The following DELE1 variants were observed in gnomAD, a reference collection of about 807,000 sequenced individuals.
The protein encoded by DELE1 is DAP3 binding cell death enhancer 1, also known as death ligand signal enhancer.
In DELE1, 54 loss-of-function variants were observed where a neutral mutation model predicts 59.3. The ratio of observed to expected loss-of-function variants is 0.91; its 90% CI spans 0.73 to 1.14. The LOEUF is 1.14. Ranked by LOEUF, DELE1 falls within the 50% of genes most tolerant of loss-of-function variation. DELE1 has a pLI of 0.00. For missense variants in DELE1, 636 were observed against 643.9 expected, an observed-to-expected ratio of 0.99 and a Z score of 0.13; for synonymous variants, 264 against 259.1, an observed-to-expected ratio of 1.02 and a Z score of -0.18.
In DELE1 at chr5:141,933,281, C is replaced by G; in HGVS notation, c.777C>G (p.Gly259=). 1 of 1,556,578 alleles carries G rather than the reference C, an allele frequency of 6.4e-7. No individual in the cohort carries two copies. Among genetic ancestry groups the G allele is most frequent in the Non-Finnish European group, 8.8e-7 (1 of 1,139,130 alleles). Residue 259 remains glycine, a synonymous_variant, in exon 8 of 12, where the codon GGC becomes GGG. Transcript: ENST00000432126. ...CAGGAACAGAGAACATGAAGAGTGG[C>G]GACCACACGGCAGCCTTTTCTTACT... ...NFLGTENMKS[G]DHTAAFSYFQ... is the part of the protein sequence containing the mutation.
rs1752611408 is a variant in DELE1 at position 141,939,462 on chromosome 5, C to T, written c.*703C>T. 1.0e-6 allele frequency: 1 copy of T among 985,696 alleles called. No homozygotes were observed. The highest frequency in any genetic ancestry group is 4.7e-5 in the South Asian group (1 of 21,282). 61.1% of individuals were successfully genotyped at this position (985,696 alleles called of 1,614,324 possible). On this transcript the variant is annotated 3_prime_UTR_variant, in exon 12 of 12. Transcript: ENST00000432126. ...GCCCACCATTCACCTCTGTTCATCC[C>T]CCGTGGGCTCATAATCGTTTTCATT...
Position 141,928,133 on chromosome 5 carries a change from A to C in DELE1, c.265-18A>C, listed in dbSNP as rs778575395. 2.5e-6 allele frequency: 4 copies of C among 1,610,276 alleles called. No individual in the cohort carries two copies. Among genetic ancestry groups the C allele is most frequent in the Non-Finnish European group, 1.7e-6 (2 of 1,177,946 alleles). On this transcript the variant is annotated intron_variant, in intron 3 of 11. Transcript: ENST00000432126. ...TGATTGGTGAAGGACCGTGTCCTTA[A>C]CGTGCTGTCTTTCCCAGGGCACTCT...
intron 7 of DELE1, among the ~76,000 whole-genome samples, chr5:141,930,770 T>C (rs1470178776): frequency 6.6e-6 from 1 of 152,192 alleles, no homozygotes. Flanking sequence ...TTAACCCTCA[T>C]GTGGGGACTC....
At chr5:141,931,530 G>T (rs1255320920) in intron 7 of DELE1, among the ~76,000 whole-genome samples, 1 of 152,144 alleles carries the variant, frequency 6.6e-6, no homozygotes, top group Admixed American at 6.6e-5. Flanking sequence ...GATTGCCGGG[G>T]GGAAAAAGGA....
At position 141,923,876 on chromosome 5, in the gene DELE1, T is replaced by C. The variant is rs1751132400; in HGVS notation, c.-66T>C. Reference sequence around the variant, plus strand: ...ACTCGGGGCATCGCGGCGGCCTTTCTAGCCGCTGTCCCAAGGGTTGGTCTC... The same window carrying C: ...ACTCGGGGCATCGCGGCGGCCTTTCCAGCCGCTGTCCCAAGGGTTGGTCTC... On this transcript the variant is annotated 5_prime_UTR_variant, in exon 1 of 12. Transcript: ENST00000432126. 2.6e-6 allele frequency: 4 copies of C among 1,557,642 alleles called. No individual in the cohort carries two copies. Among genetic ancestry groups the C allele is most frequent in the Admixed American group, 1.9e-5 (1 of 51,740 alleles).
rs1752642602 is a variant in DELE1 at position 141,939,997 on chromosome 5, G to T, written c.*1238G>T. On this transcript the variant is annotated 3_prime_UTR_variant, in exon 12 of 12. Transcript: ENST00000432126. Reference sequence around the variant, plus strand: ...CCATCAGTTCATACTGCAATTTTATGTGAAAGCATTATGACTGTCCTACCC... The same window carrying T: ...CCATCAGTTCATACTGCAATTTTATTTGAAAGCATTATGACTGTCCTACCC... 1 of 985,074 alleles carries T rather than the reference G, an allele frequency of 1.0e-6. No homozygotes were observed. The highest frequency in any genetic ancestry group is 1.7e-5 in the African/African-American group (1 of 57,242). The allele number at this position is 985,074 out of a possible 1,614,324, so 61.0% of individuals were successfully genotyped here. A position where few individuals can be genotyped will look rare whatever the true frequency, so the allele number is the denominator to read the frequency against.
rs1253107894 is a variant in DELE1, at chr5:141,941,894, T to G, written c.*3135T>G. ...CACATAGTAGGTACTTTAAGTAATT[T>G]GAATGAATAATTTTAAATAACTTGA... On this transcript the variant is annotated 3_prime_UTR_variant, in exon 12 of 12. Coordinates refer to ENST00000432126, the MANE Select transcript of DELE1 (RefSeq NM_014773.5). 3.0e-6 allele frequency: 3 copies of G among 985,246 alleles called. No homozygotes were observed. The highest frequency in any genetic ancestry group is 6.2e-5 in the Admixed American group (1 of 16,256). 61.0% of individuals were successfully genotyped at this position (985,246 alleles called of 1,614,324 possible). A position where few individuals can be genotyped will look rare whatever the true frequency, so the allele number is the denominator to read the frequency against.
rs1286638640 is a variant in DELE1, at chr5:141,939,450, C to T, written c.*691C>T. 1.0e-6 allele frequency: 1 copy of T among 985,858 alleles called. No individual in the cohort carries two copies. The allele number at this position is 985,858 out of a possible 1,614,324, so 61.1% of individuals were successfully genotyped here. A position where few individuals can be genotyped will look rare whatever the true frequency, so the allele number is the denominator to read the frequency against. On this transcript the variant is annotated 3_prime_UTR_variant, in exon 12 of 12. Transcript: ENST00000432126. ...TCCTCGAGACTAGCCCACCATTCACCTCTGTTCATCCCCCGTGGGCTCATA... is the reference window on the plus strand; with the variant it reads ...TCCTCGAGACTAGCCCACCATTCACTTCTGTTCATCCCCCGTGGGCTCATA...
At chr5:141,935,759 C>T (rs1752298913) in intron 10 of DELE1, among the ~76,000 whole-genome samples, 1 of 152,200 alleles carries the variant, frequency 6.6e-6, no homozygotes, top group Admixed American at 6.5e-5. Context: ...TTAATCAGAC[C>T]AGCGTGCTAG....
Position 141,934,478 on chromosome 5 carries a change from TC to T in DELE1, c.1057-14del. 1.2e-6 allele frequency: 2 copies of T among 1,614,178 alleles called. No individual in the cohort carries two copies. The highest frequency in any genetic ancestry group is 1.7e-6 in the Non-Finnish European group (2 of 1,180,010). On this transcript the variant is annotated splice_polypyrimidine_tract_variant and intron_variant, in intron 9 of 11. Transcript: ENST00000432126. ...AGTGACCAAGATGCCTTCTTTTCCTTCCTCCTTGACCACAGGCCCAAGCTTT... is the reference window on the plus strand; with the variant it reads ...AGTGACCAAGATGCCTTCTTTTCCTTCTCCTTGACCACAGGCCCAAGCTTT...
At chr5:141,934,188 A>T (rs1162387708) in intron 8 of DELE1, 52 bp from the exon 9 acceptor site, 1 of 1,518,996 alleles carries the variant, frequency 6.6e-7, no homozygotes, top group Non-Finnish European at 8.9e-7. Context: ...ACTGAGTGCA[A>T]AAGATGCTTA....
chr5:141,936,897 G>C, intron 10 of DELE1: 2 of 985,404 alleles, frequency 2.0e-6, no homozygotes, highest in Non-Finnish European at 2.4e-6. Flanking sequence ...TAACTGGCCT[G>C]AGTGTTTCCT....
At chr5:141,933,437 G>A in intron 8 of DELE1, 36 bp downstream of exon 8, 1 of 1,391,910 alleles carries the variant, frequency 7.2e-7, no homozygotes, top group Non-Finnish European at 9.5e-7. Context: ...TTCTGTGCTG[G>A]GCTGCTGAGA....
At position 141,940,944 on chromosome 5, in the gene DELE1, A is replaced by C; in HGVS notation, c.*2185A>C. ...GACGTCCCCTTTTTATAGATTCACA[A>C]TACACATCAGCATATTTGAGGTTCC... is the stretch of plus-strand genomic sequence containing the variant. On this transcript the variant is annotated 3_prime_UTR_variant, in exon 12 of 12. Coordinates refer to ENST00000432126, the MANE Select transcript of DELE1 (RefSeq NM_014773.5). 2.1e-6 allele frequency: 2 copies of C among 970,734 alleles called. No homozygotes were observed. Among genetic ancestry groups the C allele is most frequent in the Non-Finnish European group, 2.4e-6 (2 of 816,604 alleles). 60.1% of individuals were successfully genotyped at this position (970,734 alleles called of 1,614,324 possible).
chr5:141,937,893 C>G (rs1245968170), intron 11 of DELE1, among the ~76,000 whole-genome samples: 1 of 150,106 alleles, frequency 6.7e-6, no homozygotes, highest in African/African-American at 2.4e-5. Context: ...AGCGCGATCT[C>G]GGCTCACTGC....
intron 3 of DELE1, among the ~76,000 whole-genome samples, chr5:141,926,303 G>C (rs1259225140): frequency 6.6e-6 from 1 of 152,124 alleles, no homozygotes; most frequent in Non-Finnish European, 1.5e-5. Flanking sequence ...TGAAATATTA[G>C]GTAACATGCG....
chr5:141,939,815 T>C lies in DELE1; in HGVS notation c.*1056T>C. On this transcript the variant is annotated 3_prime_UTR_variant, in exon 12 of 12. Coordinates refer to ENST00000432126, the MANE Select transcript of DELE1 (RefSeq NM_014773.5). ...CCAAAGGCAATGGTGTCTGCCCTCC[T>C]ACCTTAGAAGACAAATGCAAGGGCA... The C allele has an allele frequency of 3.1e-6, 2 of 644,832 alleles. No homozygotes were observed. Among genetic ancestry groups the C allele is most frequent in the Non-Finnish European group, 1.9e-6 (1 of 518,976 alleles). The allele number at this position is 644,832 out of a possible 1,614,324, so 39.9% of individuals were successfully genotyped here. A position where few individuals can be genotyped will look rare whatever the true frequency, so the allele number is the denominator to read the frequency against.
rs1452157698 is a variant in DELE1, at chr5:141,934,308, C to T, written c.966C>T (p.Cys322=). The part of the protein sequence containing the change: ...HSLAQYRYAR[C]LLRDPASSWN... ...TGGCTCAGTACCGCTATGCCAGGTG[C>T]CTACTACGAGACCCAGCCTCTTCGT... is the stretch of plus-strand genomic sequence containing the variant. Residue 322 remains cysteine (C), a synonymous_variant, in exon 9 of 12, where the codon TGC becomes TGT. Transcript: ENST00000432126. 6.2e-7 allele frequency: 1 copy of T among 1,614,134 alleles called. No homozygotes were observed. The highest frequency in any genetic ancestry group is 2.2e-5 in the East Asian group (1 of 44,876).
In DELE1 at chr5:141,928,310, G is replaced by C; in HGVS notation, c.412+12G>C. 2.5e-6 allele frequency: 4 copies of C among 1,613,044 alleles called. No individual in the cohort carries two copies. The highest frequency in any genetic ancestry group is 3.4e-6 in the Non-Finnish European group (4 of 1,179,400). On this transcript the variant is annotated intron_variant, in intron 4 of 11. Transcript: ENST00000432126. Reference sequence around the variant, plus strand: ...GCACCCATGCTCCTGTGAGTTCTCAGTCCTGGGGACAGGAGGGCTGGGCTG... The same window carrying C: ...GCACCCATGCTCCTGTGAGTTCTCACTCCTGGGGACAGGAGGGCTGGGCTG...
Sources: gnomAD v4.1 joint callset for allele counts (sites outside exome capture counted in the v4.1 genomes callset) on GRCh38, gnomAD v4.1.1 for gene constraint, MANE v1.5 for transcripts, NCBI Gene and HGNC (gene_info 2026-07-23, HGNC 2026-07-21) for gene names.